ADAMTSL1: variants seen among roughly 807,000 people sequenced by gnomAD.
ADAMTSL1 encodes the protein ADAMTS like 1.
Under a neutral mutation model 201.8 loss-of-function variants are expected in ADAMTSL1, and 126 were observed. That is an observed-to-expected ratio of 0.62 (90% CI 0.54 to 0.72). The LOEUF is 0.72. Among genes scored for constraint, ADAMTSL1 ranks in the 30% least tolerant of loss-of-function variants. ADAMTSL1 has a pLI of 0.00. For synonymous variants in ADAMTSL1, 1,121 were observed against 903.4 expected (o/e 1.24, Z -4.32); for missense variants, 2,679 against 2,277.8 (o/e 1.18, Z -3.59).
At chr9:18,709,686 G>C (rs1481906575) in intron 14 of ADAMTSL1, among the ~76,000 whole-genome samples, 6 of 152,152 alleles carry the variant, frequency 3.9e-5, no homozygotes, top group Admixed American at 3.3e-4. Flanking sequence ...TCTGTATCCT[G>C]TGTCCAACTG....
At chr9:18,298,064 C>A (rs1033934147) in intron 2 of ADAMTSL1, among the ~76,000 whole-genome samples, 9 of 152,176 alleles carry the variant, frequency 5.9e-5, no homozygotes, top group African/African-American at 2.2e-4. Context: ...CATTGTTTGT[C>A]AATTGGAATC....
chr9:18,616,563 T>C (rs185940918), intron 4 of ADAMTSL1, among the ~76,000 whole-genome samples: 3 of 152,296 alleles, frequency 2.0e-5, no homozygotes, highest in Non-Finnish European at 4.4e-5. Flanking sequence ...TTGTCTACTA[T>C]AAAGAACACA....
intron 7 of ADAMTSL1, among the ~76,000 whole-genome samples, chr9:18,653,600 A>G (rs1828431993): frequency 7.4e-6 from 1 of 135,876 alleles, no homozygotes; most frequent in African/African-American, 2.8e-5. Context: ...ACTTAGTGAG[A>G]CCCCATTTCT....
At chr9:17,920,183 T>G (rs1826251607) in intron 1 of ADAMTSL1, among the ~76,000 whole-genome samples, 1 of 152,222 alleles carries the variant, frequency 6.6e-6, no homozygotes, top group African/African-American at 2.4e-5. Context: ...CCTCCAGTGC[T>G]ACTGAATACC....
intron 2 of ADAMTSL1, among the ~76,000 whole-genome samples, chr9:18,205,535 T>A (rs1166115133): frequency 6.6e-6 from 1 of 152,122 alleles, no homozygotes; most frequent in Non-Finnish European, 1.5e-5. Context: ...TTAATTATAT[T>A]GTTAACCTTG....
At chr9:18,823,361 G>A (rs1253957079) in intron 21 of ADAMTSL1, among the ~76,000 whole-genome samples, 1 of 152,124 alleles carries the variant, frequency 6.6e-6, no homozygotes, top group African/African-American at 2.4e-5. Context: ...GCTGTCACCA[G>A]AGGAATTCAG....
Position 18,785,313 on chromosome 9 carries a change from A to G in ADAMTSL1, c.3677+7407A>G, listed in dbSNP as rs149328072. Reference sequence around the variant, plus strand: ...CACTGGGGTCAACTAGACCCAGCATAAATTAACATTCAATATTCTAGCCAA... The same window carrying G: ...CACTGGGGTCAACTAGACCCAGCATGAATTAACATTCAATATTCTAGCCAA... On this transcript the variant is annotated intron_variant, in intron 19 of 28. Coordinates refer to ENST00000380548, the MANE Select transcript of ADAMTSL1 (RefSeq NM_001040272.6). Among the ~76,000 whole-genome samples the G allele has an allele frequency of 7.2e-5, 11 of 152,338 alleles. No individual in the cohort carries two copies. The East Asian group carries it at 2.1e-3, about 29-fold the overall frequency.
chr9:18,636,560 T>C (rs1219979618), intron 6 of ADAMTSL1, among the ~76,000 whole-genome samples: 11 of 152,196 alleles, frequency 7.2e-5, no homozygotes, highest in Admixed American at 6.6e-4. Context: ...ATCTTAAAGA[T>C]AGCTACTGGG....
intron 2 of ADAMTSL1, among the ~76,000 whole-genome samples, chr9:18,196,382 A>C (rs750862693): frequency 2.6e-5 from 4 of 152,070 alleles, no homozygotes; most frequent in Admixed American, 2.6e-4. Flanking sequence ...AGTTCTGGAA[A>C]ACTTAGCTCA....
intron 2 of ADAMTSL1, among the ~76,000 whole-genome samples, chr9:18,311,309 G>C (rs7855772): frequency 0.53 from 80,657 of 151,596 alleles, 22,325 homozygotes; most frequent in African/African-American, 0.66. Context: ...CCTATGTAAC[G>C]TGCACATTCT....
chr9:18,280,855 T>A (rs1832758295), intron 2 of ADAMTSL1, among the ~76,000 whole-genome samples: 1 of 149,920 alleles, frequency 6.7e-6, no homozygotes, highest in African/African-American at 2.5e-5. Context: ...CCATAGTTAC[T>A]GCTTTAGCTG....
chr9:18,524,753 G>C (rs1253667818), intron 2 of ADAMTSL1, among the ~76,000 whole-genome samples: 1 of 152,168 alleles, frequency 6.6e-6, no homozygotes, highest in East Asian at 1.9e-4. Flanking sequence ...TTATTGATTT[G>C]TGTATGTTGA....
chr9:18,628,301 G>A (rs949393509), intron 5 of ADAMTSL1, among the ~76,000 whole-genome samples: 9 of 151,724 alleles, frequency 5.9e-5, no homozygotes, highest in South Asian at 2.1e-4. Context: ...ATTTTTTTTC[G>A]TATAGACGCC....
intron 2 of ADAMTSL1, among the ~76,000 whole-genome samples, chr9:18,463,916 T>G (rs1014190499): frequency 2.0e-5 from 3 of 152,340 alleles, no homozygotes; most frequent in African/African-American, 7.2e-5. Context: ...CTATGTTTAA[T>G]TTTTGGAGGA....
intron 1 of ADAMTSL1, among the ~76,000 whole-genome samples, chr9:18,156,845 G>T (rs911794167): frequency 5.3e-5 from 8 of 152,036 alleles, no homozygotes; most frequent in African/African-American, 1.7e-4. Flanking sequence ...AGTGTATTTA[G>T]AACTCTTTGG....
At chr9:18,836,254 T>G (rs1825302690) in intron 23 of ADAMTSL1, among the ~76,000 whole-genome samples, 1 of 152,150 alleles carries the variant, frequency 6.6e-6, no homozygotes, top group African/African-American at 2.4e-5. Context: ...TCTGTTCCTG[T>G]CTTTTGCCAA....
chr9:18,356,615 A>ACACACACACACACACACACACT (rs1686546537), intron 2 of ADAMTSL1, among the ~76,000 whole-genome samples: 1 of 150,884 alleles, frequency 6.6e-6, no homozygotes, highest in Non-Finnish European at 1.5e-5. Flanking sequence ...ACACACACAC[A>ACACACACACACACACACACACT]CACACACACA....
intron 1 of ADAMTSL1, among the ~76,000 whole-genome samples, chr9:18,044,818 T>C (rs1048285432): frequency 6.6e-6 from 1 of 152,180 alleles, no homozygotes; most frequent in African/African-American, 2.4e-5. Flanking sequence ...AGAATACAGA[T>C]CAGTTGGCTA....
chr9:18,871,714 C>G (rs571275255), intron 23 of ADAMTSL1, among the ~76,000 whole-genome samples: 1 of 152,290 alleles, frequency 6.6e-6, no homozygotes, highest in East Asian at 1.9e-4. Context: ...CACTCGTGTT[C>G]CAAACTCTTT....
Sources: allele counts gnomAD v4.1 joint callset (sites outside exome capture counted in the v4.1 genomes callset), GRCh38; gene constraint gnomAD v4.1.1; transcripts MANE v1.5; gene names NCBI Gene and HGNC (gene_info 2026-07-23, HGNC 2026-07-21).